The following ADAM23 variants were observed in gnomAD, a reference collection of about 807,000 sequenced individuals.
ADAM23 encodes disintegrin and metalloproteinase domain-containing protein 23.
In ADAM23, 33 loss-of-function variants were observed where a neutral mutation model predicts 120.1. The observed-to-expected ratio is 0.27, with a 90% CI of 0.21 to 0.37. The LOEUF is 0.37. Ranked by LOEUF, ADAM23 falls within the 10% of genes least tolerant of loss-of-function variation. The probability of loss-of-function intolerance (pLI) is 1.00; values close to 1 mark genes in which losing one functional copy is unlikely to be tolerated. For synonymous variants in ADAM23, 367 were observed against 375.2 expected (o/e 0.98, Z 0.25); for missense variants, 862 against 1,058.2 (o/e 0.81, Z 2.57).
intron 18 of ADAM23, among the ~76,000 whole-genome samples, chr2:206,583,460 A>C (rs1698260977): frequency 6.6e-6 from 1 of 152,096 alleles, no homozygotes; most frequent in Non-Finnish European, 1.5e-5. Context: ...TCTCAAAAAA[A>C]AAAAAAAAAG....
At chr2:206,519,352 G>A (rs1016789085) in intron 3 of ADAM23, among the ~76,000 whole-genome samples, 2 of 152,066 alleles carry the variant, frequency 1.3e-5, no homozygotes, top group African/African-American at 4.8e-5. Context: ...TTTTAAAATT[G>A]TACATAATTT....
At chr2:206,491,489 G>T (rs563478806) in intron 3 of ADAM23, among the ~76,000 whole-genome samples, 24 of 152,272 alleles carry the variant, frequency 1.6e-4, no homozygotes, top group African/African-American at 5.3e-4. Flanking sequence ...TGGATAAAAG[G>T]AGACCCTTTG....
chr2:206,466,506 G>A (rs960425307), intron 2 of ADAM23, among the ~76,000 whole-genome samples: 1 of 152,156 alleles, frequency 6.6e-6, no homozygotes, highest in African/African-American at 2.4e-5. Context: ...CTATCAGACA[G>A]TAAGTTATCC....
At chr2:206,551,986 A>G (rs1697537006) in intron 9 of ADAM23, among the ~76,000 whole-genome samples, 1 of 152,178 alleles carries the variant, frequency 6.6e-6, no homozygotes, top group Non-Finnish European at 1.5e-5. Flanking sequence ...CTAAAATATG[A>G]GTTTCTGAAG....
chr2:206,453,653 T>A (rs1695240084), intron 2 of ADAM23, among the ~76,000 whole-genome samples: 1 of 152,232 alleles, frequency 6.6e-6, no homozygotes, highest in South Asian at 2.1e-4. Context: ...AAAGGCTAGA[T>A]CCAGTTATGT....
At chr2:206,447,790 C>G (rs1464394712) in intron 2 of ADAM23, among the ~76,000 whole-genome samples, 1 of 152,128 alleles carries the variant, frequency 6.6e-6, no homozygotes, top group Non-Finnish European at 1.5e-5. Flanking sequence ...TGCACTGAAG[C>G]ACATTTTAAT....
At chr2:206,491,814 C>CTGATGTAGTA (rs1460309240) in intron 3 of ADAM23, among the ~76,000 whole-genome samples, 2 of 152,116 alleles carry the variant, frequency 1.3e-5, no homozygotes, top group African/African-American at 2.4e-5. Context: ...CCCTTGACGC[C>CTGATGTAGTA]TGATGTAGTA....
intron 25 of ADAM23, among the ~76,000 whole-genome samples, chr2:206,612,661 C>T (rs193232130): frequency 8.5e-5 from 13 of 152,288 alleles, no homozygotes; most frequent in South Asian, 2.1e-4. Context: ...TCATACTATA[C>T]GTGACCTGCC....
chr2:206,492,168 A>G (rs1427042855), intron 3 of ADAM23, among the ~76,000 whole-genome samples: 3 of 152,212 alleles, frequency 2.0e-5, no homozygotes, highest in Non-Finnish European at 4.4e-5. Flanking sequence ...TTTTTATCCC[A>G]CATAGGAGGG....
intron 3 of ADAM23, among the ~76,000 whole-genome samples, chr2:206,509,919 T>C (rs968856446): frequency 1.3e-5 from 2 of 152,214 alleles, no homozygotes; most frequent in African/African-American, 4.8e-5. Context: ...CCTGAGCCCG[T>C]GGCTTTGACA....
intron 2 of ADAM23, among the ~76,000 whole-genome samples, chr2:206,471,792 C>G (rs1424684673): frequency 6.6e-6 from 1 of 152,010 alleles, no homozygotes. Flanking sequence ...TAGATTAATG[C>G]ACCACATTAA....
At position 206,445,339 on chromosome 2, in the gene ADAM23, T is replaced by A. The variant is rs146740655; in HGVS notation, c.247T>A (p.Leu83Met). Residue 83 changes from leucine to methionine, a missense_variant, in exon 2 of 26, where the codon TTG becomes ATG. Coordinates refer to ENST00000264377, the MANE Select transcript of ADAM23 (RefSeq NM_003812.4). ...PHWNETAEKN[L>M]GVLADEDNTL... is the part of the protein sequence containing the mutation. ...TTGGAATGAAACTGCAGAAAAAAAT[T>A]TGGGAGTCCTGGCAGATGAAGACAA... 1.9e-6 allele frequency: 3 copies of A among 1,613,580 alleles called. No homozygotes were observed. The highest frequency in any genetic ancestry group is 2.7e-5 in the African/African-American group (2 of 74,834).
chr2:206,527,833 A>G (rs1696973042), intron 3 of ADAM23, among the ~76,000 whole-genome samples: 1 of 152,188 alleles, frequency 6.6e-6, no homozygotes, highest in Non-Finnish European at 1.5e-5. Context: ...AGGAAGTAGA[A>G]GAGTGGACTG....
intron 22 of ADAM23, 129 bp from the exon 23 acceptor site, chr2:206,594,608 G>A: frequency 2.0e-6 from 2 of 985,446 alleles, no homozygotes; most frequent in Non-Finnish European, 3.0e-6. Context: ...AAGAAGAGGA[G>A]TAAGAAAATG....
chr2:206,573,497 A>C (rs1234537447), intron 18 of ADAM23, among the ~76,000 whole-genome samples: 2 of 152,196 alleles, frequency 1.3e-5, no homozygotes, highest in African/African-American at 4.8e-5. Context: ...CAAAGATATC[A>C]CTATCTCAGC....
rs557582028 is a variant in ADAM23 at position 206,493,876 on chromosome 2, A to G, written c.509+12568A>G. On this transcript the variant is annotated intron_variant, in intron 3 of 25. Coordinates refer to ENST00000264377, the MANE Select transcript of ADAM23 (RefSeq NM_003812.4). Reference sequence around the variant, plus strand: ...CACATCCAATAAATCAGACTAAACTACATGTGACCAGAAGGATCTCACAGC... The same window carrying G: ...CACATCCAATAAATCAGACTAAACTGCATGTGACCAGAAGGATCTCACAGC... Among the ~76,000 whole-genome samples the G allele has an allele frequency of 8.9e-4, 136 of 152,222 alleles. 3 individuals carry two copies. The highest frequency in any genetic ancestry group is 1.0e-3 in the Non-Finnish European group (71 of 68,040).
chr2:206,532,669 A>T (rs1484267340), intron 4 of ADAM23, among the ~76,000 whole-genome samples: 1 of 152,148 alleles, frequency 6.6e-6, no homozygotes, highest in Non-Finnish European at 1.5e-5. Flanking sequence ...TTATATCAAG[A>T]TTTTTTAAAT....
At chr2:206,576,808 A>G (rs1194188483) in intron 18 of ADAM23, among the ~76,000 whole-genome samples, 1 of 152,224 alleles carries the variant, frequency 6.6e-6, no homozygotes, top group African/African-American at 2.4e-5. Context: ...TACGTAATTA[A>G]GAGAAATCCT....
Position 206,588,121 on chromosome 2 carries a change from A to G in ADAM23, c.1819A>G (p.Arg607Gly). 6.2e-7 allele frequency: 1 copy of G among 1,614,112 alleles called. No homozygotes were observed. The highest frequency in any genetic ancestry group is 8.5e-7 in the Non-Finnish European group (1 of 1,179,954). Residue 607 changes from arginine to glycine, a missense_variant, in exon 20 of 26, where the codon AGA becomes GGA. Arg to Gly is a moderately radical substitution (Grantham distance 125, BLOSUM62 -2). Around this residue, in one of 4 missense-constraint regions of ADAM23, gnomAD observed 617 missense variants for 813.5 expected, o/e 0.76. Transcript: ENST00000264377. ...GRCYNGECKT[R>G]DNQCQYIWGT... ...CTGCTACAATGGCGAGTGCAAGACCAGAGACAACCAGTGTCAGTACATCTG... is the reference window on the plus strand; with the variant it reads ...CTGCTACAATGGCGAGTGCAAGACCGGAGACAACCAGTGTCAGTACATCTG...
Sources: allele counts gnomAD v4.1 joint callset (sites outside exome capture counted in the v4.1 genomes callset), GRCh38; gene constraint gnomAD v4.1.1; regional missense constraint gnomAD v4.1.1; transcripts MANE v1.5; gene names NCBI Gene and HGNC (gene_info 2026-07-23, HGNC 2026-07-21).